CEND1: variants seen among roughly 807,000 people sequenced by gnomAD.
CEND1 encodes the protein cell cycle exit and neuronal differentiation 1, also known as cell cycle exit and neuronal differentiation protein 1.
In CEND1, 1 loss-of-function variant was observed where a neutral mutation model predicts 4.4. The observed-to-expected ratio is 0.23, with a 90% CI of 0.08 to 1.09. The LOEUF (loss-of-function observed/expected upper bound fraction) is 1.09. CEND1 is among the 50% of genes least tolerant of loss of function. CEND1 has a pLI of 0.55. For missense variants in CEND1, 213 were observed against 201.2 expected (o/e 1.06, Z -0.35); for synonymous variants, 109 against 93.0 (o/e 1.17, Z -0.99).
Position 788,504 on chromosome 11 carries a change from TGGCCTCGGTGGTGACCTG to T in CEND1, c.55_72del (p.Gln19_Ala24del). 6.5e-7 allele frequency: 1 copy of T among 1,531,358 alleles called. No individual in the cohort carries two copies. Among genetic ancestry groups the T allele is most frequent in the Non-Finnish European group, 8.8e-7 (1 of 1,139,258 alleles). 94.9% of individuals were successfully genotyped at this position (1,531,358 alleles called of 1,614,324 possible). On this transcript the variant is annotated inframe_deletion, in exon 2 of 2. Coordinates refer to ENST00000330106, the MANE Select transcript of CEND1 (RefSeq NM_016564.4). ...TTCCCATCGGCTGCCGGGGGTACCT[TGGCCTCGGTGGTGACCTG>T]GGGCACCTTGGTGTCGGGCTTGGGG...
intron 1 of CEND1, among the ~76,000 whole-genome samples, 154 bp downstream of exon 1, chr11:789,876 C>T (rs1014311588): frequency 1.1e-4 from 17 of 152,158 alleles, no homozygotes; most frequent in Non-Finnish European, 2.1e-4. Flanking sequence ...ACATCCCGGC[C>T]GCCGCCTCCC....
At chr11:788,956 C>T (rs1266438862) in intron 1 of CEND1, among the ~76,000 whole-genome samples, 6 of 152,160 alleles carry the variant, frequency 3.9e-5, no homozygotes, top group African/African-American at 4.8e-5. Flanking sequence ...TCCCACCAGC[C>T]GGGGGCAGGA....
intron 1 of CEND1, among the ~76,000 whole-genome samples, chr11:789,067 C>T (rs1411988250): frequency 2.0e-5 from 3 of 152,230 alleles, no homozygotes; most frequent in African/African-American, 2.4e-5. Context: ...GAGCTGACTG[C>T]ATCCCCTCCT....
chr11:789,094 C>T (rs1864403262), intron 1 of CEND1, among the ~76,000 whole-genome samples: 1 of 152,118 alleles, frequency 6.6e-6, no homozygotes, highest in Non-Finnish European at 1.5e-5. Flanking sequence ...AGCATTCCTG[C>T]TTTGCAGAGA....
chr11:790,021 C>A lies in CEND1; in HGVS notation c.-83+9G>T. The A allele has an allele frequency of 6.5e-6, 1 of 152,940 alleles. No individual in the cohort carries two copies. The highest frequency in any genetic ancestry group is 1.8e-4 in the South Asian group (1 of 5,640). 9.5% of individuals were successfully genotyped at this position (152,940 alleles called of 1,614,324 possible). ...GCCCGCCCCGCCCGCCGGGAGCCCC[C>A]CGCCTTACGCGTCCTCCGGCCTCCC... On this transcript the variant is annotated intron_variant, in intron 1 of 1. Transcript: ENST00000330106.
chr11:788,081 G>T lies in CEND1; in HGVS notation c.*46C>A, dbSNP rs547047913. Reference sequence around the variant, plus strand: ...ACTCTGCATGCACTGGCTTCCTCGGGTCTGTACAGGAAGTGGCTCCGTGCC... The same window carrying T: ...ACTCTGCATGCACTGGCTTCCTCGGTTCTGTACAGGAAGTGGCTCCGTGCC... On this transcript the variant is annotated 3_prime_UTR_variant, in exon 2 of 2. Transcript: ENST00000330106. 7 of 1,413,136 alleles carry T rather than the reference G, an allele frequency of 5.0e-6. No homozygotes were observed. The African/African-American group carries it at 1.0e-4, about 20-fold the overall frequency. The allele number at this position is 1,413,136 out of a possible 1,614,324, so 87.5% of individuals were successfully genotyped here. A position where few individuals can be genotyped will look rare whatever the true frequency, so the allele number is the denominator to read the frequency against.
intron 1 of CEND1, among the ~76,000 whole-genome samples, chr11:788,879 G>C (rs142643753): frequency 7.9e-5 from 12 of 152,254 alleles, no homozygotes; most frequent in African/African-American, 2.6e-4. Context: ...CAAGGGCCAC[G>C]CACAGGTGGG....
chr11:789,972 C>A, intron 1 of CEND1, 58 bp downstream of exon 1: 1 of 152,426 alleles, frequency 6.6e-6, no homozygotes, highest in South Asian at 1.8e-4. Context: ...GCCTCCTCGC[C>A]CCGCAGGACG....
In CEND1 at chr11:788,522, G is replaced by A. The variant is rs1226362589; in HGVS notation, c.55C>T (p.Gln19Ter). Residue 19 changes from glutamine (Q) to a stop codon, truncating the protein, a stop_gained, in exon 2 of 2, where the codon CAG becomes TAG. Transcript: ENST00000330106. LOFTEE classifies it low-confidence loss of function (END_TRUNC). ...SSPKPDTKVP[Q>*]VTTEAKVPPA... ...GGTACCTTGGCCTCGGTGGTGACCTGGGGCACCTTGGTGTCGGGCTTGGGG... is the reference window on the plus strand; with the variant it reads ...GGTACCTTGGCCTCGGTGGTGACCTAGGGCACCTTGGTGTCGGGCTTGGGG... The A allele has an allele frequency of 6.6e-7, 1 of 1,524,810 alleles. No homozygotes were observed. The highest frequency in any genetic ancestry group is 1.4e-5 in the African/African-American group (1 of 71,792). 94.5% of individuals were successfully genotyped at this position (1,524,810 alleles called of 1,614,324 possible). A position where few individuals can be genotyped will look rare whatever the true frequency, so the allele number is the denominator to read the frequency against.
Position 788,580 on chromosome 11 carries a change from G to A in CEND1, c.-4C>T. On this transcript the variant is annotated 5_prime_UTR_variant, in exon 2 of 2. Transcript: ENST00000330106. ...CTGACTTCCCTCTGGACTCCATGGT[G>A]GGCGGGGCGTATGGGACAGGCAGGT... 1.3e-6 allele frequency: 2 copies of A among 1,509,666 alleles called. No homozygotes were observed. The highest frequency in any genetic ancestry group is 1.4e-5 in the African/African-American group (1 of 71,664). 93.5% of individuals were successfully genotyped at this position (1,509,666 alleles called of 1,614,324 possible).
chr11:788,253 A>C lies in CEND1; in HGVS notation c.324T>G (p.Ser108Arg). 1 of 1,611,194 alleles carries C rather than the reference A, an allele frequency of 6.2e-7. No individual in the cohort carries two copies. The highest frequency in any genetic ancestry group is 8.5e-7 in the Non-Finnish European group (1 of 1,179,040). The stretch of plus-strand genomic sequence containing the variant: ...AGGGACCTCGGCCCCCAGGCCCCCC[A>C]CTGGCAGCCTCATCTTCCTCCGCCC... Reference protein sequence around the residue: ...GDGAEEDEAASGGPGGRGPWS... With the variant: ...GDGAEEDEAARGGPGGRGPWS... Residue 108 changes from serine (S) to arginine (R), a missense_variant, in exon 2 of 2, where the codon AGT becomes AGG. Transcript: ENST00000330106.
At position 788,185 on chromosome 11, in the gene CEND1, A is replaced by C; in HGVS notation, c.392T>G (p.Val131Gly). 6.3e-7 allele frequency: 1 copy of C among 1,590,370 alleles called. No individual in the cohort carries two copies. Residue 131 changes from valine (V) to glycine (G), a missense_variant, in exon 2 of 2, where the codon GTG becomes GGG. Transcript: ENST00000330106. ...NFNPLLVAGG[V>G]AVAAIALILG... ...AATCAGGGCTATGGCTGCCACGGCCACACCCCCAGCCACCAGCAGGGGGTT... is the reference window on the plus strand; with the variant it reads ...AATCAGGGCTATGGCTGCCACGGCCCCACCCCCAGCCACCAGCAGGGGGTT...
chr11:788,795 T>C, intron 1 of CEND1, 137 bp from the exon 2 acceptor site: 1 of 420,506 alleles, frequency 2.4e-6, no homozygotes. Flanking sequence ...CGTGGGCCTC[T>C]GACACTTCTC....
intron 1 of CEND1, among the ~76,000 whole-genome samples, chr11:788,976 TG>T (rs1174922206): frequency 6.6e-6 from 1 of 151,942 alleles, no homozygotes; most frequent in Non-Finnish European, 1.5e-5. Flanking sequence ...AGGCTCTTGG[TG>T]GGGAAGTAAG....
chr11:788,383 G>T lies in CEND1; in HGVS notation c.194C>A (p.Ala65Asp), dbSNP rs1444001219. 2 of 1,597,018 alleles carry T rather than the reference G, an allele frequency of 1.3e-6. No homozygotes were observed. Among genetic ancestry groups the T allele is most frequent in the East Asian group, 4.5e-5 (2 of 44,480 alleles). Reference protein sequence around the residue: ...PTTAPAKKTSAKADPALLNNH... With the variant: ...PTTAPAKKTSDKADPALLNNH... Reference sequence around the variant, plus strand: ...GTTGAGAAGGGCAGGGTCGGCCTTGGCCGAGGTCTTCTTGGCAGGTGCCGT... The same window carrying T: ...GTTGAGAAGGGCAGGGTCGGCCTTGTCCGAGGTCTTCTTGGCAGGTGCCGT... Residue 65 changes from alanine to aspartate, a missense_variant, in exon 2 of 2, where the codon GCC becomes GAC. Physicochemically the swap from Ala to Asp is moderately radical, Grantham distance 126. Coordinates refer to ENST00000330106, the MANE Select transcript of CEND1 (RefSeq NM_016564.4).
Position 788,657 on chromosome 11 carries a change from G to T in CEND1, c.-81C>A, listed in dbSNP as rs1864392485. 1 of 1,347,192 alleles carries T rather than the reference G, an allele frequency of 7.4e-7. No homozygotes were observed. Among genetic ancestry groups the T allele is most frequent in the Non-Finnish European group, 9.8e-7 (1 of 1,015,624 alleles). 83.5% of individuals were successfully genotyped at this position (1,347,192 alleles called of 1,614,324 possible). On this transcript the variant is annotated splice_region_variant and 5_prime_UTR_variant, in exon 2 of 2. Coordinates refer to ENST00000330106, the MANE Select transcript of CEND1 (RefSeq NM_016564.4). ...TTTGTCGCCCCTGGGCATTCTATGG[G>T]CCTGGAGGGAGACACAAGGGAGGCT...
rs1217877098 is a variant in CEND1 at position 788,529 on chromosome 11, C to G, written c.48G>C (p.Lys16Asn). 1.3e-6 allele frequency: 2 copies of G among 1,524,430 alleles called. No homozygotes were observed. Among genetic ancestry groups the G allele is most frequent in the East Asian group, 4.5e-5 (2 of 44,026 alleles). The allele number at this position is 1,524,430 out of a possible 1,614,324, so 94.4% of individuals were successfully genotyped here. A position where few individuals can be genotyped will look rare whatever the true frequency, so the allele number is the denominator to read the frequency against. The change falls in exon 2 of 2, where the codon AAG becomes AAC. Residue 16 changes from lysine to asparagine, a missense_variant. Physicochemically the swap from Lys to Asn is moderately conservative, Grantham distance 94 (BLOSUM62 0). Coordinates refer to ENST00000330106, the MANE Select transcript of CEND1 (RefSeq NM_016564.4). ...TGGCCTCGGTGGTGACCTGGGGCAC[C>G]TTGGTGTCGGGCTTGGGGCTGCTGG... Reference protein sequence around the residue: ...KSASSPKPDTKVPQVTTEAKV... With the variant: ...KSASSPKPDTNVPQVTTEAKV...
chr11:788,571 C>A lies in CEND1; in HGVS notation c.6G>T (p.Glu2Asp). 5.3e-6 allele frequency: 8 copies of A among 1,513,304 alleles called. No homozygotes were observed. The highest frequency in any genetic ancestry group is 7.1e-6 in the Non-Finnish European group (8 of 1,132,362). 93.7% of individuals were successfully genotyped at this position (1,513,304 alleles called of 1,614,324 possible). Reference protein sequence around the residue: MESRGKSASSPK... With the variant: MDSRGKSASSPK... Reference sequence around the variant, plus strand: ...GGCTGCTGGCTGACTTCCCTCTGGACTCCATGGTGGGCGGGGCGTATGGGA... The same window carrying A: ...GGCTGCTGGCTGACTTCCCTCTGGAATCCATGGTGGGCGGGGCGTATGGGA... Residue 2 changes from glutamate (E) to aspartate (D), a missense_variant, in exon 2 of 2, where the codon GAG becomes GAT. Physicochemically the swap from Glu to Asp is conservative, Grantham distance 45. Transcript: ENST00000330106.
intron 1 of CEND1, among the ~76,000 whole-genome samples, 163 bp downstream of exon 1, chr11:789,867 C>T (rs1864423475): frequency 6.6e-6 from 1 of 152,198 alleles, no homozygotes; most frequent in Non-Finnish European, 1.5e-5. Flanking sequence ...GTGGCACTTA[C>T]ATCCCGGCCG....
Sources: allele counts gnomAD v4.1 joint callset (sites outside exome capture counted in the v4.1 genomes callset), GRCh38; gene constraint gnomAD v4.1.1; transcripts MANE v1.5; gene names NCBI Gene and HGNC (gene_info 2026-07-23, HGNC 2026-07-21).